Variants in ADGRG6 observed in about 807,000 individuals in gnomAD.
ADGRG6 encodes adhesion G protein-coupled receptor G6, also known as G-protein coupled receptor 126.
ADGRG6 carries 84 observed loss-of-function variants against 142.4 expected under a neutral mutation model. The observed-to-expected ratio is 0.59, with a 90% CI of 0.49 to 0.71. ADGRG6 has a LOEUF of 0.71. Ranked by LOEUF, ADGRG6 falls within the 30% of genes least tolerant of loss-of-function variation. The pLI, the probability that ADGRG6 is intolerant of heterozygous loss-of-function variation, is 0.00. For missense variants in ADGRG6, 1,367 were observed against 1,466.6 expected (o/e 0.93, Z 1.11); for synonymous variants, 521 against 520.5 (o/e 1.00, Z -0.01).
chr6:142,303,240 A>G (rs1203658323), intron 1 of ADGRG6, among the ~76,000 whole-genome samples: 1 of 152,144 alleles, frequency 6.6e-6, no homozygotes, highest in African/African-American at 2.4e-5. Context: ...AACAATTTCT[A>G]GAACTTGGTA....
At chr6:142,337,750 G>A (rs1351608229) in intron 2 of ADGRG6, among the ~76,000 whole-genome samples, 3 of 151,952 alleles carry the variant, frequency 2.0e-5, no homozygotes, top group African/African-American at 7.3e-5. Context: ...TGGTTCTCAG[G>A]TTCAGTTGCT....
chr6:142,335,195 C>T (rs948300449), intron 2 of ADGRG6, among the ~76,000 whole-genome samples: 1 of 152,122 alleles, frequency 6.6e-6, no homozygotes, highest in African/African-American at 2.4e-5. Flanking sequence ...CATGGGGAAC[C>T]TTGAATTTCA....
intron 2 of ADGRG6, among the ~76,000 whole-genome samples, chr6:142,361,519 C>T (rs928129846): frequency 2.0e-5 from 3 of 152,118 alleles, no homozygotes; most frequent in African/African-American, 7.2e-5. Flanking sequence ...GGGTAAGAGA[C>T]TGTCCAGAAG....
chr6:142,353,000 T>C (rs1780263828), intron 2 of ADGRG6, among the ~76,000 whole-genome samples: 1 of 152,198 alleles, frequency 6.6e-6, no homozygotes, highest in African/African-American at 2.4e-5. Flanking sequence ...ACCCAAGCCT[T>C]TCCCTATGTG....
At chr6:142,417,886 ACC>A (rs1776445607) in intron 21 of ADGRG6, among the ~76,000 whole-genome samples, 1 of 152,162 alleles carries the variant, frequency 6.6e-6, no homozygotes, top group South Asian at 2.1e-4. Flanking sequence ...TTATTAGTCC[ACC>A]ATGGGTACTC....
chr6:142,326,718 T>A (rs1778798228), intron 2 of ADGRG6, among the ~76,000 whole-genome samples: 1 of 152,100 alleles, frequency 6.6e-6, no homozygotes, highest in African/African-American at 2.4e-5. Flanking sequence ...TGGAGACAGA[T>A]AAATCATGGC....
At chr6:142,431,994 T>C (rs1244131837) in intron 22 of ADGRG6, among the ~76,000 whole-genome samples, 1 of 151,904 alleles carries the variant, frequency 6.6e-6, no homozygotes, top group Non-Finnish European at 1.5e-5. Flanking sequence ...CACAGAACTC[T>C]ATTAAAGTTT....
At chr6:142,349,742 G>A (rs778301678) in intron 2 of ADGRG6, among the ~76,000 whole-genome samples, 9 of 152,298 alleles carry the variant, frequency 5.9e-5, no homozygotes, top group Admixed American at 5.2e-4. Context: ...AGGTGCTGAT[G>A]TCTTCCCTTT....
chr6:142,400,756 C>T, intron 11 of ADGRG6, 160 bp downstream of exon 11: 2 of 553,050 alleles, frequency 3.6e-6, no homozygotes, highest in East Asian at 5.9e-5. Context: ...ATAAAGATAA[C>T]ATAAGTGGAT....
At chr6:142,404,500 C>T (rs918652766) in intron 14 of ADGRG6, among the ~76,000 whole-genome samples, 3 of 151,868 alleles carry the variant, frequency 2.0e-5, no homozygotes, top group Non-Finnish European at 4.4e-5. Flanking sequence ...AAAAGTTAGC[C>T]AGGCATGGTG....
rs1486673487 is a variant in ADGRG6 at position 142,405,164 on chromosome 6, C to T, written c.2128-524C>T. On this transcript the variant is annotated intron_variant, in intron 14 of 24. Coordinates refer to ENST00000367609, the MANE Select transcript of ADGRG6 (RefSeq NM_198569.3). ...TCTTTTTCACATTTTAAGAGTAAAACTCAGTCAACCTCCGTCTCATTCCAA... is the reference window on the plus strand; with the variant it reads ...TCTTTTTCACATTTTAAGAGTAAAATTCAGTCAACCTCCGTCTCATTCCAA... 1.3e-4 allele frequency: 45 copies of T among 339,040 alleles called. No homozygotes were observed. In the Admixed American group the frequency reaches 1.7e-3, roughly 13 times the overall value. 21.0% of individuals were successfully genotyped at this position (339,040 alleles called of 1,614,324 possible). A position where few individuals can be genotyped will look rare whatever the true frequency, so the allele number is the denominator to read the frequency against.
chr6:142,409,154 A>G (rs925767041), intron 16 of ADGRG6, among the ~76,000 whole-genome samples: 2 of 152,094 alleles, frequency 1.3e-5, no homozygotes, highest in African/African-American at 4.8e-5. Context: ...TCCTCCCATT[A>G]AATACCCATT....
chr6:142,380,341 G>T (rs1196379960), intron 4 of ADGRG6, among the ~76,000 whole-genome samples: 1 of 152,104 alleles, frequency 6.6e-6, no homozygotes, highest in Non-Finnish European at 1.5e-5. Context: ...CCAAGAGGAG[G>T]AGTCCATTCA....
intron 2 of ADGRG6, among the ~76,000 whole-genome samples, chr6:142,328,447 C>A (rs144357682): frequency 6.6e-6 from 1 of 152,274 alleles, no homozygotes; most frequent in East Asian, 1.9e-4. Context: ...AGTGATCTTC[C>A]CACCTTGGCC....
intron 22 of ADGRG6, among the ~76,000 whole-genome samples, chr6:142,428,063 C>T (rs1236128857): frequency 1.3e-5 from 2 of 152,038 alleles, no homozygotes; most frequent in East Asian, 1.9e-4. Flanking sequence ...TTTATTTCTT[C>T]AAAACTTTGG....
intron 2 of ADGRG6, among the ~76,000 whole-genome samples, chr6:142,343,534 T>G (rs1313720236): frequency 2.0e-5 from 3 of 151,894 alleles, no homozygotes. Flanking sequence ...TATTTAGAGA[T>G]ACATCTTTTA....
At chr6:142,373,490 A>G (rs754201199) in intron 4 of ADGRG6, among the ~76,000 whole-genome samples, 29 of 152,224 alleles carry the variant, frequency 1.9e-4, no homozygotes, top group Non-Finnish European at 1.0e-4. Flanking sequence ...GAATTTCTCT[A>G]GACCAGAGGT....
rs1296821917 is a variant in ADGRG6, at chr6:142,403,827, G to A, written c.1981G>A (p.Ala661Thr). ...SEALKTIDEL[A>T]FKIDLNSTSH... ...AGCTTTAAAAACAATTGATGAATTGGCCTTCAAGATAGACCTAAATAGCAC... is the reference window on the plus strand; with the variant it reads ...AGCTTTAAAAACAATTGATGAATTGACCTTCAAGATAGACCTAAATAGCAC... The change falls in exon 14 of 25, where the codon GCC becomes ACC. Residue 661 changes from alanine (A) to threonine (T), a missense_variant. This residue lies in a region of ADGRG6 where 286 missense variants were observed against 371.4 expected (regional missense o/e 0.77). Coordinates refer to ENST00000367609, the MANE Select transcript of ADGRG6 (RefSeq NM_198569.3). 6.3e-7 allele frequency: 1 copy of A among 1,585,582 alleles called. No homozygotes were observed. Among genetic ancestry groups the A allele is most frequent in the Non-Finnish European group, 8.5e-7 (1 of 1,170,952 alleles).
At chr6:142,393,839 T>G in intron 8 of ADGRG6, 57 bp from the exon 9 acceptor site, 2 of 1,053,680 alleles carry the variant, frequency 1.9e-6, no homozygotes, top group Non-Finnish European at 2.9e-6. Flanking sequence ...CCAAATTTTA[T>G]TGTTGATGAT....
Sources: gnomAD v4.1 joint callset for allele counts (sites outside exome capture counted in the v4.1 genomes callset) on GRCh38, gnomAD v4.1.1 for gene constraint, gnomAD v4.1.1 regional missense constraint, MANE v1.5 for transcripts, NCBI Gene and HGNC (gene_info 2026-07-23, HGNC 2026-07-21) for gene names.